UBAC1: variants seen among roughly 807,000 people sequenced by gnomAD.
UBAC1 encodes UBA domain containing 1.
A neutral mutation model predicts 45.9 loss-of-function variants in UBAC1; 27 were observed. The observed-to-expected ratio is 0.59, with a 90% CI of 0.43 to 0.81. The LOEUF (loss-of-function observed/expected upper bound fraction) is 0.81, where lower values mean the gene tolerates loss of function less well. Ranked by LOEUF, UBAC1 falls within the 30% of genes least tolerant of loss-of-function variation. The pLI, the probability that UBAC1 is intolerant of heterozygous loss-of-function variation, is 0.00. For synonymous variants in UBAC1, 227 were observed against 215.5 expected (o/e 1.05, Z -0.47); for missense variants, 529 against 539.2 (o/e 0.98, Z 0.19).
At chr9:135,952,081 G>A (rs1299343407) in intron 3 of UBAC1, among the ~76,000 whole-genome samples, 1 of 152,218 alleles carries the variant, frequency 6.6e-6, no homozygotes, top group African/African-American at 2.4e-5. Flanking sequence ...CCAGAAACAG[G>A]CCTGACTCAG....
intron 7 of UBAC1, among the ~76,000 whole-genome samples, chr9:135,940,201 C>T (rs1485843868): frequency 6.6e-6 from 1 of 151,856 alleles, no homozygotes; most frequent in Non-Finnish European, 1.5e-5. Context: ...GGAAAGGCCA[C>T]GTCAGTAAGT....
intron 9 of UBAC1, among the ~76,000 whole-genome samples, chr9:135,935,624 C>A (rs1403985935): frequency 2.0e-5 from 3 of 147,082 alleles, no homozygotes; most frequent in African/African-American, 7.5e-5. Context: ...AGATCAAGAC[C>A]CTGTCTCCAT....
At chr9:135,960,937 G>A (rs947224284) in intron 1 of UBAC1, 88 bp downstream of exon 1, 4 of 1,253,688 alleles carry the variant, frequency 3.2e-6, no homozygotes, top group Admixed American at 3.4e-5. Flanking sequence ...CGGACCCCAG[G>A]TCGGGGCGGT....
chr9:135,949,368 G>A (rs1368098620), intron 3 of UBAC1, among the ~76,000 whole-genome samples: 3 of 152,162 alleles, frequency 2.0e-5, no homozygotes, highest in East Asian at 1.9e-4. Context: ...ACATTTTCCA[G>A]GACTAAATTT....
Position 135,961,197 on chromosome 9 carries a change from C to T in UBAC1, c.-35G>A, listed in dbSNP as rs1839532854. 1 of 1,485,094 alleles carries T rather than the reference C, an allele frequency of 6.7e-7. No individual in the cohort carries two copies. Among genetic ancestry groups the T allele is most frequent in the Non-Finnish European group, 8.9e-7 (1 of 1,124,614 alleles). The allele number at this position is 1,485,094 out of a possible 1,614,324, so 92.0% of individuals were successfully genotyped here. A position where few individuals can be genotyped will look rare whatever the true frequency, so the allele number is the denominator to read the frequency against. Reference sequence around the variant, plus strand: ...GCCGCAGGGGCCTGCGCCCGCCACCCGGGCCCCTGAAGGTCACCGGGAAGG... The same window carrying T: ...GCCGCAGGGGCCTGCGCCCGCCACCTGGGCCCCTGAAGGTCACCGGGAAGG... On this transcript the variant is annotated 5_prime_UTR_variant, in exon 1 of 10. Transcript: ENST00000371756.
chr9:135,947,760 A>G, intron 4 of UBAC1, 38 bp downstream of exon 4: 1 of 1,542,494 alleles, frequency 6.5e-7, no homozygotes. Context: ...CCACACGGGG[A>G]CCCCATGCAC....
intron 9 of UBAC1, among the ~76,000 whole-genome samples, chr9:135,937,279 A>G (rs1319184988): frequency 2.0e-5 from 3 of 151,868 alleles, no homozygotes; most frequent in African/African-American, 7.3e-5. Context: ...CGTCTCTACT[A>G]AAATACGAAA....
In UBAC1 at chr9:135,953,711, G is replaced by C. The variant is rs749289432; in HGVS notation, c.302C>G (p.Pro101Arg). ...TTCTGCTGAGACATCAGCCATCTTG[G>C]GAAGTGGTGATGGAGCACGCTTTTT... is the stretch of plus-strand genomic sequence containing the variant. ...LIKKRAPSPL[P>R]KMADVSAEEK... The change falls in exon 3 of 10, where the codon CCC (proline) becomes CGC (arginine). Residue 101 changes from proline (P) to arginine (R), a missense_variant. By Grantham distance (103) the Pro-to-Arg change is moderately radical. Coordinates refer to ENST00000371756, the MANE Select transcript of UBAC1 (RefSeq NM_016172.3). 1 of 1,613,988 alleles carries C rather than the reference G, an allele frequency of 6.2e-7. No homozygotes were observed. The highest frequency in any genetic ancestry group is 8.5e-7 in the Non-Finnish European group (1 of 1,179,958).
At chr9:135,951,988 T>G (rs911695540) in intron 3 of UBAC1, among the ~76,000 whole-genome samples, 1 of 152,138 alleles carries the variant, frequency 6.6e-6, no homozygotes, top group Non-Finnish European at 1.5e-5. Context: ...ACCCCGCTGT[T>G]TATATTAGTT....
At chr9:135,955,120 A>G (rs1398112542) in intron 2 of UBAC1, among the ~76,000 whole-genome samples, 175 bp downstream of exon 2, 2 of 152,224 alleles carry the variant, frequency 1.3e-5, no homozygotes. Context: ...CAAATACTCT[A>G]TAACAGAACT....
intron 9 of UBAC1, among the ~76,000 whole-genome samples, chr9:135,937,761 A>G (rs1353472301): frequency 6.6e-6 from 1 of 152,250 alleles, no homozygotes; most frequent in South Asian, 2.1e-4. Context: ...TAGTAGATAC[A>G]TGGCTATTAG....
chr9:135,949,603 C>T (rs1331166722), intron 3 of UBAC1, among the ~76,000 whole-genome samples: 1 of 152,214 alleles, frequency 6.6e-6, no homozygotes, highest in African/African-American at 2.4e-5. Flanking sequence ...ACAGCTGCTG[C>T]GCTGGAATAC....
At chr9:135,944,387 C>T (rs1332367435) in intron 7 of UBAC1, among the ~76,000 whole-genome samples, 2 of 152,244 alleles carry the variant, frequency 1.3e-5, no homozygotes, top group Non-Finnish European at 2.9e-5. Flanking sequence ...ATCAGTGCCA[C>T]ACGAGACGAC....
At chr9:135,949,821 G>A (rs140989702) in intron 3 of UBAC1, among the ~76,000 whole-genome samples, 9 of 152,370 alleles carry the variant, frequency 5.9e-5, no homozygotes, top group African/African-American at 9.6e-5. Flanking sequence ...TACATCACGC[G>A]GCACAGCCGA....
intron 1 of UBAC1, among the ~76,000 whole-genome samples, chr9:135,960,323 A>C (rs1839517788): frequency 6.6e-6 from 1 of 152,206 alleles, no homozygotes; most frequent in African/African-American, 2.4e-5. Flanking sequence ...ATTTCAGGTG[A>C]ATAAACTTTA....
intron 9 of UBAC1, among the ~76,000 whole-genome samples, chr9:135,936,167 A>G (rs2131079645): frequency 6.6e-6 from 1 of 152,264 alleles, no homozygotes; most frequent in East Asian, 1.9e-4. Flanking sequence ...GGTGACAGAG[A>G]AAGAGCCTAT....
chr9:135,949,152 C>T lies in UBAC1; in HGVS notation c.334-1247G>A, dbSNP rs567529122. On this transcript the variant is annotated intron_variant, in intron 3 of 9. Transcript: ENST00000371756. ...TTTATGAGCCAGGACAGACGGCCCA[C>T]GGAGGAACACACCAGAACACTAGAA... is the stretch of plus-strand genomic sequence containing the variant. Among the ~76,000 whole-genome samples, 7 of 151,848 alleles carry T rather than the reference C, an allele frequency of 4.6e-5. No individual in the cohort carries two copies. In the South Asian group the frequency reaches 1.2e-3, roughly 27 times the overall value.
At chr9:135,941,772 C>T (rs1287995337) in intron 7 of UBAC1, among the ~76,000 whole-genome samples, 1 of 152,220 alleles carries the variant, frequency 6.6e-6, no homozygotes, top group Non-Finnish European at 1.5e-5. Context: ...GCCCTGCCAG[C>T]TCTGCCCCCG....
At chr9:135,945,582 C>A in intron 6 of UBAC1, 1 of 525,730 alleles carries the variant, frequency 1.9e-6, no homozygotes, top group South Asian at 2.8e-5. Context: ...GATCTGAACA[C>A]AGAAGCAGGG....
Sources: gnomAD v4.1 joint callset for allele counts (sites outside exome capture counted in the v4.1 genomes callset) on GRCh38, gnomAD v4.1.1 for gene constraint, MANE v1.5 for transcripts, NCBI Gene and HGNC (gene_info 2026-07-23, HGNC 2026-07-21) for gene names.